The following MVK variants were observed in gnomAD, a reference collection of about 807,000 sequenced individuals.
The protein encoded by MVK is mevalonate kinase.
In MVK, 34 loss-of-function variants were observed where a neutral mutation model predicts 43.2. The observed-to-expected ratio is 0.79, with a 90% CI of 0.60 to 1.05. The LOEUF (loss-of-function observed/expected upper bound fraction) is 1.05, where lower values mean the gene tolerates loss of function less well. Ranked by LOEUF, MVK falls within the 50% of genes least tolerant of loss-of-function variation. MVK has a pLI of 0.00. For missense variants in MVK, 395 were observed against 504.0 expected (o/e 0.78, Z 2.07); for synonymous variants, 190 against 219.8 (o/e 0.86, Z 1.20).
At chr12:109,581,262 G>A (rs1263507806) in intron 4 of MVK, 133 bp from the exon 5 acceptor site, 20 of 1,103,486 alleles carry the variant, frequency 1.8e-5, no homozygotes, top group Non-Finnish European at 2.6e-5. Flanking sequence ...ATACATTTGG[G>A]GTCAGGAATT....
chr12:109,578,690 T>C (rs1885070183), intron 3 of MVK, among the ~76,000 whole-genome samples: 2 of 152,220 alleles, frequency 1.3e-5, no homozygotes, highest in Non-Finnish European at 2.9e-5. Context: ...ATGCCATGAC[T>C]TGGCCATTTG....
At chr12:109,587,045 C>T in intron 7 of MVK, 1 of 537,760 alleles carries the variant, frequency 1.9e-6, no homozygotes, top group South Asian at 2.0e-5. Context: ...ATGGCTGTGC[C>T]CGTAGACTCT....
In MVK at chr12:109,586,091, C is replaced by A; in HGVS notation, c.597C>A (p.Asn199Lys). Residue 199 changes from asparagine to lysine, a missense_variant, in exon 6 of 11, where the codon AAC (asparagine) becomes AAA (lysine). Coordinates refer to ENST00000228510, the MANE Select transcript of MVK (RefSeq NM_000431.4). ...AFQGERMIHG[N>K]PSGVDNAVST... ...AAGGGGAGAGAATGATTCACGGGAACCCCTCCGGAGTGGACAATGCTGTCA... is the reference window on the plus strand; with the variant it reads ...AAGGGGAGAGAATGATTCACGGGAAACCCTCCGGAGTGGACAATGCTGTCA... 6.2e-7 allele frequency: 1 copy of A among 1,614,178 alleles called. No homozygotes were observed.
At chr12:109,577,926 G>C (rs928490776) in intron 3 of MVK, among the ~76,000 whole-genome samples, 4 of 152,196 alleles carry the variant, frequency 2.6e-5, no homozygotes, top group Non-Finnish European at 5.9e-5. Flanking sequence ...AATGTCTCCT[G>C]AGAACCAGCT....
rs1434122726 is a variant in MVK, at chr12:109,596,661, G to C, written c.*84G>C. ...CTGCAGTTCGACTCTGTGCTGGCCA[G>C]CGAGCGCCCAGCTCCTGACACTGCT... On this transcript the variant is annotated 3_prime_UTR_variant, in exon 11 of 11. Transcript: ENST00000228510. 2.6e-6 allele frequency: 4 copies of C among 1,551,626 alleles called. No individual in the cohort carries two copies. Among genetic ancestry groups the C allele is most frequent in the Admixed American group, 1.8e-5 (1 of 56,112 alleles).
intron 8 of MVK, among the ~76,000 whole-genome samples, 168 bp from the exon 9 acceptor site, chr12:109,591,073 A>G (rs1885653991): frequency 6.6e-6 from 1 of 152,242 alleles, no homozygotes; most frequent in East Asian, 1.9e-4. Flanking sequence ...AGACACACTG[A>G]CTTTGCAGCT....
At chr12:109,587,464 G>A (rs1421333236) in intron 7 of MVK, among the ~76,000 whole-genome samples, 1 of 152,186 alleles carries the variant, frequency 6.6e-6, no homozygotes, top group African/African-American at 2.4e-5. Flanking sequence ...TTGCACCCAC[G>A]GCAGAATTGT....
At chr12:109,581,371 G>A (rs566335181) in intron 4 of MVK, 24 bp from the exon 5 acceptor site, 49 of 1,612,986 alleles carry the variant, frequency 3.0e-5, no homozygotes, top group Admixed American at 6.7e-5. Flanking sequence ...GGAGAGTCAC[G>A]TTTCACACCC....
chr12:109,579,379 A>T (rs1373306680), intron 3 of MVK: 7 of 352,444 alleles, frequency 2.0e-5, no homozygotes, highest in Non-Finnish European at 3.9e-5. Flanking sequence ...GGCACAAGTG[A>T]TCTGCCCACC....
At chr12:109,592,212 C>G (rs1471525790) in intron 9 of MVK, among the ~76,000 whole-genome samples, 2 of 152,256 alleles carry the variant, frequency 1.3e-5, no homozygotes, top group Non-Finnish European at 2.9e-5. Flanking sequence ...GAGACCTTGT[C>G]TCACACACAC....
In MVK at chr12:109,581,115, G is replaced by A. The variant is rs116973943; in HGVS notation, c.372-280G>A. 2.3e-3 allele frequency among the ~76,000 whole-genome samples: 351 copies of A among 152,346 alleles called. 7 individuals are homozygous for A. The highest frequency in any genetic ancestry group is 0.015 in the East Asian group (76 of 5,190). On this transcript the variant is annotated intron_variant, in intron 4 of 10. Transcript: ENST00000228510. ...AAGCCTAGCATGTGGGCACAGGAAG[G>A]AGGTGGGAGAAAGGGGTTGACAGCT...
intron 7 of MVK, chr12:109,587,051 A>C: frequency 1.9e-6 from 1 of 523,664 alleles, no homozygotes; most frequent in South Asian, 2.0e-5. Context: ...GTGCCCGTAG[A>C]CTCTCAGCTG....
intron 7 of MVK, chr12:109,589,594 A>G (rs965884964): frequency 6.6e-6 from 1 of 152,222 alleles, no homozygotes; most frequent in Non-Finnish European, 1.5e-5. Context: ...AGTTAAAAAA[A>G]AAAAAAAGCC....
At chr12:109,579,137 A>G (rs1415713713) in intron 3 of MVK, 2 of 298,982 alleles carry the variant, frequency 6.7e-6, no homozygotes, top group Admixed American at 7.9e-5. Flanking sequence ...TAAGACTACA[A>G]TTTTTTTTTT....
intron 9 of MVK, among the ~76,000 whole-genome samples, chr12:109,593,032 G>A (rs1424013439): frequency 6.6e-6 from 1 of 152,246 alleles, no homozygotes; most frequent in African/African-American, 2.4e-5. Context: ...GTGCAGCTCA[G>A]CTCCTGGACA....
At chr12:109,573,455 C>G (rs1051133948), upstream of MVK, 2 of 1,607,072 alleles carry the variant, frequency 1.2e-6, no homozygotes, top group Admixed American at 3.3e-5. Flanking sequence ...CAGGCCAAGA[C>G]GGCTCCCCAG....
chr12:109,580,314 G>T (rs775247820), intron 4 of MVK, among the ~76,000 whole-genome samples: 1 of 152,168 alleles, frequency 6.6e-6, no homozygotes, highest in Non-Finnish European at 1.5e-5. Context: ...TGTTGCCCAG[G>T]CTGGTCTCAA....
Position 109,585,789 on chromosome 12 carries a change from A to G in MVK, c.528-233A>G, listed in dbSNP as rs561144346. 7.2e-5 allele frequency among the ~76,000 whole-genome samples: 11 copies of G among 152,304 alleles called. No individual in the cohort carries two copies. In the South Asian group the frequency reaches 2.1e-3, roughly 29 times the overall value. On this transcript the variant is annotated intron_variant, in intron 5 of 10. Transcript: ENST00000228510. ...AAAAAGAAAAAAAAAGAGGCAAAGTAGGACCACGGGAGTCCAAAGCCCAGG... is the reference window on the plus strand; with the variant it reads ...AAAAAGAAAAAAAAAGAGGCAAAGTGGGACCACGGGAGTCCAAAGCCCAGG...
intron 10 of MVK, 143 bp from the exon 11 acceptor site, chr12:109,596,283 C>A: frequency 8.2e-7 from 1 of 1,216,408 alleles, no homozygotes; most frequent in Non-Finnish European, 1.2e-6. Flanking sequence ...CTGCAGGTAA[C>A]CTTGGGCTTT....
Sources: allele counts gnomAD v4.1 joint callset (sites outside exome capture counted in the v4.1 genomes callset), GRCh38; gene constraint gnomAD v4.1.1; transcripts MANE v1.5; gene names NCBI Gene and HGNC (gene_info 2026-07-23, HGNC 2026-07-21).